Variants in LRRC19 observed in about 807,000 individuals in gnomAD.
LRRC19 encodes the protein leucine-rich repeat-containing protein 19.
LRRC19 carries 33 observed loss-of-function variants against 33.3 expected under a neutral mutation model. The observed-to-expected ratio is 0.99, with a 90% CI of 0.75 to 1.33. The LOEUF (loss-of-function observed/expected upper bound fraction) is 1.33. Among genes scored for constraint, LRRC19 ranks in the 40% most tolerant of loss-of-function variants. LRRC19 has a pLI of 0.00. For synonymous variants in LRRC19, 184 were observed against 152.3 expected (o/e 1.21, Z -1.53); for missense variants, 463 against 417.3 (o/e 1.11, Z -0.95).
chr9:26,996,424 G>A lies in LRRC19; in HGVS notation c.671C>T (p.Ala224Val). 2 of 1,606,652 alleles carry A rather than the reference G, an allele frequency of 1.2e-6. No homozygotes were observed. Among genetic ancestry groups the A allele is most frequent in the South Asian group, 2.2e-5 (2 of 90,038 alleles). The change falls in exon 4 of 5, where the codon GCT becomes GTT. Residue 224 changes from alanine (A) to valine (V), a missense_variant. Transcript: ENST00000380055. ...TGAAGGAAATTTTGAGTGGCATTCA[G>A]CCTTATGAGGTACTGTTTTGATATT... ...SYNIKTVPHKAECHSKFPSSV... is the reference protein window; with the variant it reads ...SYNIKTVPHKVECHSKFPSSV...
intron 1 of LRRC19, among the ~76,000 whole-genome samples, chr9:27,000,186 T>G (rs1828402310): frequency 6.6e-6 from 1 of 152,210 alleles, no homozygotes; most frequent in East Asian, 1.9e-4. Context: ...CTTTGAAGAA[T>G]GAGACTGATT....
At position 27,005,357 on chromosome 9, in the gene LRRC19, C is replaced by A. The variant is rs1224478831; in HGVS notation, c.-10+235G>T. ...ATTGGCTAGATGAAACCATTTCCCC[C>A]CCCGCCCCCCGCAAAACAATTACTT... On this transcript the variant is annotated intron_variant, in intron 1 of 4. Transcript: ENST00000380055. 8.2e-4 allele frequency among the ~76,000 whole-genome samples: 39 copies of A among 47,768 alleles called. 4 individuals are homozygous for A. Among genetic ancestry groups the A allele is most frequent in the Admixed American group, 5.1e-3 (21 of 4,124 alleles). The allele number at this position is 47,768 out of a possible 152,430, so 31.3% of individuals were successfully genotyped here.
At position 26,995,164 on chromosome 9, in the gene LRRC19, T is replaced by C. The variant is rs751945285; in HGVS notation, c.*357A>G. 2 of 158,244 alleles carry C rather than the reference T, an allele frequency of 1.3e-5. No individual in the cohort carries two copies. The highest frequency in any genetic ancestry group is 2.4e-5 in the African/African-American group (1 of 41,594). The allele number at this position is 158,244 out of a possible 1,614,324, so 9.8% of individuals were successfully genotyped here. A position where few individuals can be genotyped will look rare whatever the true frequency, so the allele number is the denominator to read the frequency against. ...TTTTATTTCTTTACTGATTGAAACA[T>C]TAGTATAACTTAATACATATTATGT... is the stretch of plus-strand genomic sequence containing the variant. On this transcript the variant is annotated 3_prime_UTR_variant, in exon 5 of 5. Coordinates refer to ENST00000380055, the MANE Select transcript of LRRC19 (RefSeq NM_022901.3).
At position 26,995,485 on chromosome 9, in the gene LRRC19, G is replaced by T; in HGVS notation, c.*36C>A. 6 of 1,245,760 alleles carry T rather than the reference G, an allele frequency of 4.8e-6. No individual in the cohort carries two copies. The South Asian group carries it at 7.6e-5, about 16-fold the overall frequency. The allele number at this position is 1,245,760 out of a possible 1,614,324, so 77.2% of individuals were successfully genotyped here. ...TCTCCATATCTAAACTGAGTGAGCT[G>T]ATAACTTTGCTTTAAAAAGCAAACT... On this transcript the variant is annotated 3_prime_UTR_variant, in exon 5 of 5. Coordinates refer to ENST00000380055, the MANE Select transcript of LRRC19 (RefSeq NM_022901.3).
chr9:26,996,936 C>T (rs753555585), intron 3 of LRRC19, among the ~76,000 whole-genome samples: 22 of 152,126 alleles, frequency 1.4e-4, no homozygotes, highest in Admixed American at 5.2e-4. Context: ...TCTGGCCGGG[C>T]GCAGAGGCTC....
intron 1 of LRRC19, 131 bp from the exon 2 acceptor site, chr9:26,999,834 TG>T: frequency 1.8e-6 from 1 of 549,668 alleles, no homozygotes; most frequent in African/African-American, 2.0e-5. Context: ...CCTGGTGGCA[TG>T]GTCACAGCTC....
intron 2 of LRRC19, among the ~76,000 whole-genome samples, chr9:26,998,770 G>C (rs1305489813): frequency 6.6e-6 from 1 of 151,520 alleles, no homozygotes; most frequent in Non-Finnish European, 1.5e-5. Flanking sequence ...GGTTACCTGA[G>C]GTCAGGAGTT....
At position 26,995,479 on chromosome 9, in the gene LRRC19, T is replaced by G; in HGVS notation, c.*42A>C. 3 of 1,158,958 alleles carry G rather than the reference T, an allele frequency of 2.6e-6. No homozygotes were observed. The highest frequency in any genetic ancestry group is 3.6e-6 in the Non-Finnish European group (3 of 825,442). 71.8% of individuals were successfully genotyped at this position (1,158,958 alleles called of 1,614,324 possible). On this transcript the variant is annotated 3_prime_UTR_variant, in exon 5 of 5. Coordinates refer to ENST00000380055, the MANE Select transcript of LRRC19 (RefSeq NM_022901.3). ...GCAAAATCTCCATATCTAAACTGAG[T>G]GAGCTGATAACTTTGCTTTAAAAAG...
intron 1 of LRRC19, among the ~76,000 whole-genome samples, chr9:27,002,731 C>T (rs1322242895): frequency 6.6e-6 from 1 of 152,168 alleles, no homozygotes; most frequent in Non-Finnish European, 1.5e-5. Flanking sequence ...GTGATGCCTC[C>T]AGCTTTGTTC....
chr9:26,999,672 A>G lies in LRRC19; in HGVS notation c.23T>C (p.Ile8Thr). 1 of 1,601,464 alleles carries G rather than the reference A, an allele frequency of 6.2e-7. No individual in the cohort carries two copies. Among genetic ancestry groups the G allele is most frequent in the Non-Finnish European group, 8.5e-7 (1 of 1,173,326 alleles). Reference sequence around the variant, plus strand: ...TATCATGGAGAGGGGCCAAAAGAGGATTGTGATGCCTGTGACTTTCATGTT... The same window carrying G: ...TATCATGGAGAGGGGCCAAAAGAGGGTTGTGATGCCTGTGACTTTCATGTT... MKVTGITILFWPLSMILL... is the reference protein window; with the variant it reads MKVTGITTLFWPLSMILL... The change falls in exon 2 of 5, where the codon ATC becomes ACC. Residue 8 changes from isoleucine (I) to threonine (T), a missense_variant. Coordinates refer to ENST00000380055, the MANE Select transcript of LRRC19 (RefSeq NM_022901.3).
intron 1 of LRRC19, among the ~76,000 whole-genome samples, chr9:27,004,505 T>C (rs1290715184): frequency 6.6e-6 from 1 of 152,230 alleles, no homozygotes; most frequent in Non-Finnish European, 1.5e-5. Flanking sequence ...ATCATGACAC[T>C]GAGTAAGTCC....
Position 26,997,950 on chromosome 9 carries a change from G to A in LRRC19, c.373C>T (p.Gln125Ter), listed in dbSNP as rs1168611487. Residue 125 changes from glutamine (Q) to a stop codon, truncating the protein, a stop_gained, in exon 3 of 5, where the codon CAG becomes TAG. Transcript: ENST00000380055. LOFTEE classifies it high-confidence loss of function. ...ATTTTGTTTTGGCAGAGATATAACT[G>A]TTTTAGTTTATTTAAGCCTAAAAAT... ...GAFLGLNKLK[Q>*]LYLCQNKIEQ... 4 of 1,613,800 alleles carry A rather than the reference G, an allele frequency of 2.5e-6. No individual in the cohort carries two copies. Among genetic ancestry groups the A allele is most frequent in the South Asian group, 2.2e-5 (2 of 91,034 alleles).
At chr9:26,997,329 C>T (rs1328843496) in intron 3 of LRRC19, among the ~76,000 whole-genome samples, 5 of 146,204 alleles carry the variant, frequency 3.4e-5, no homozygotes, top group Non-Finnish European at 7.5e-5. Flanking sequence ...TGTTTCCTTT[C>T]CTTTTTTTTT....
chr9:26,997,241 C>A (rs977142726), intron 3 of LRRC19, among the ~76,000 whole-genome samples: 6 of 151,758 alleles, frequency 4.0e-5, no homozygotes, highest in African/African-American at 1.5e-4. Context: ...TTAATTTTTC[C>A]CCCTGGTAAT....
chr9:26,996,245 A>G lies in LRRC19; in HGVS notation c.784+66T>C, dbSNP rs1828149061. On this transcript the variant is annotated intron_variant, in intron 4 of 4. Coordinates refer to ENST00000380055, the MANE Select transcript of LRRC19 (RefSeq NM_022901.3). ...TTTTTTATACAAATTTAAAATAAAG[A>G]TAACTACCTCAGTTTATTTAGTATG... The G allele has an allele frequency of 7.6e-6, 7 of 919,732 alleles. No individual in the cohort carries two copies. The South Asian group carries it at 2.3e-4, about 31-fold the overall frequency. 57.0% of individuals were successfully genotyped at this position (919,732 alleles called of 1,614,324 possible).
chr9:26,995,408 G>T lies in LRRC19; in HGVS notation c.*113C>A. On this transcript the variant is annotated 3_prime_UTR_variant, in exon 5 of 5. Transcript: ENST00000380055. ...TAATTTTATGATATTCATGTATGTTGTCATTAATATGAATGCCTGCCAGCT... is the reference window on the plus strand; with the variant it reads ...TAATTTTATGATATTCATGTATGTTTTCATTAATATGAATGCCTGCCAGCT... 1 of 643,038 alleles carries T rather than the reference G, an allele frequency of 1.6e-6. No homozygotes were observed. Among genetic ancestry groups the T allele is most frequent in the Non-Finnish European group, 2.7e-6 (1 of 373,194 alleles). The allele number at this position is 643,038 out of a possible 1,614,324, so 39.8% of individuals were successfully genotyped here.
At chr9:26,996,599 T>G in intron 3 of LRRC19, 100 bp from the exon 4 acceptor site, 1 of 769,254 alleles carries the variant, frequency 1.3e-6, no homozygotes, top group African/African-American at 1.8e-5. Context: ...TTTGTCATTC[T>G]TAAAGGCATT....
intron 3 of LRRC19, among the ~76,000 whole-genome samples, chr9:26,997,410 T>G (rs1828221559): frequency 6.8e-6 from 1 of 147,176 alleles, no homozygotes; most frequent in Admixed American, 7.0e-5. Context: ...CTCGGCTCAC[T>G]GTAACATCTG....
rs1828365132 is a variant in LRRC19 at position 26,999,613 on chromosome 9, C to G, written c.81+1G>C. 6.3e-7 allele frequency: 1 copy of G among 1,581,782 alleles called. No individual in the cohort carries two copies. Among genetic ancestry groups the G allele is most frequent in the Non-Finnish European group, 8.6e-7 (1 of 1,159,878 alleles). On this transcript the variant is annotated splice_donor_variant, in intron 2 of 4. Transcript: ENST00000380055. LOFTEE classifies it high-confidence loss of function. ...TTACTATTTTGATTGTAAAAACTTA[C>G]TCTTTTAGAAGACTGGATTTTGTCT...
Sources: gnomAD v4.1 joint callset for allele counts (sites outside exome capture counted in the v4.1 genomes callset) on GRCh38, gnomAD v4.1.1 for gene constraint, MANE v1.5 for transcripts, NCBI Gene and HGNC (gene_info 2026-07-23, HGNC 2026-07-21) for gene names.